MSN: variants seen among roughly 807,000 people sequenced by gnomAD.
MSN encodes epididymis luminal protein 70.
Under a neutral mutation model 48.0 loss-of-function variants are expected in MSN, and 2 were observed. The ratio of observed to expected loss-of-function variants is 0.04; its 90% CI spans 0.02 to 0.13. The LOEUF (loss-of-function observed/expected upper bound fraction) is 0.13. Ranked by LOEUF, MSN falls within the 10% of genes least tolerant of loss-of-function variation. The pLI is 1.00. For synonymous variants in MSN, 146 were observed against 166.9 expected, an observed-to-expected ratio of 0.87 and a Z score of 0.97; for missense variants, 267 against 470.1, an observed-to-expected ratio of 0.57 and a Z score of 3.99.
intron 1 of MSN, among the ~76,000 whole-genome samples, chrX:65,608,140 G>T (rs896377804): frequency 3.6e-5 from 4 of 111,454 alleles, no homozygotes; most frequent in African/African-American, 1.3e-4. Flanking sequence ...AGACAAACAA[G>T]GAAAGGGGGT....
In MSN at chrX:65,729,450, G is replaced by A. The variant is rs765836962; in HGVS notation, c.205G>A (p.Asp69Asn). Residue 69 changes from aspartate (D) to asparagine (N), a missense_variant, in exon 4 of 13, where the codon GAT becomes AAT. This residue lies in a region of MSN where 89 missense variants were observed against 151.0 expected (regional missense o/e 0.59). Coordinates refer to ENST00000360270, the MANE Select transcript of MSN (RefSeq NM_002444.3). ...TTACTCTTCCCAGGTGACTGCCCAG[G>A]ATGTGCGGAAGGAAAGCCCCCTGCT... Reference protein sequence around the residue: ...LKLNKKVTAQDVRKESPLLFK... With the variant: ...LKLNKKVTAQNVRKESPLLFK... 2.5e-6 allele frequency: 3 copies of A among 1,208,365 alleles called. No homozygotes were observed. In the African/African-American group the frequency reaches 5.3e-5, roughly 21 times the overall value.
intron 1 of MSN, among the ~76,000 whole-genome samples, chrX:65,644,834 G>C (rs1318636856): frequency 8.9e-6 from 1 of 112,018 alleles, no homozygotes; most frequent in African/African-American, 3.2e-5. Context: ...CAGGGTGATG[G>C]GACAAGAGAT....
At chrX:65,654,225 C>T (rs2070765141) in intron 1 of MSN, among the ~76,000 whole-genome samples, 1 of 108,220 alleles carries the variant, frequency 9.2e-6, no homozygotes, top group Non-Finnish European at 1.9e-5. Flanking sequence ...CCTGCCTCAG[C>T]CTCCTGAGTA....
chrX:65,653,344 T>C (rs1162503558), intron 1 of MSN, among the ~76,000 whole-genome samples: 1 of 111,052 alleles, frequency 9.0e-6, no homozygotes, highest in East Asian at 2.8e-4. Flanking sequence ...TTCATGTAAA[T>C]ACATGGCTAG....
chrX:65,704,587 C>T (rs1419330661), intron 1 of MSN, among the ~76,000 whole-genome samples: 1 of 111,036 alleles, frequency 9.0e-6, no homozygotes, highest in African/African-American at 3.3e-5. Flanking sequence ...TAGGCCTGCC[C>T]TCTGTTGAAA....
intron 1 of MSN, among the ~76,000 whole-genome samples, chrX:65,673,388 A>G (rs2070962054): frequency 9.0e-6 from 1 of 111,296 alleles, no homozygotes; most frequent in African/African-American, 3.3e-5. Flanking sequence ...AGGCCTTCCT[A>G]AGGGCTCCTA....
At chrX:65,642,134 C>CAAAAAAAAA (rs1220561125) in intron 1 of MSN, among the ~76,000 whole-genome samples, 2 of 59,716 alleles carry the variant, frequency 3.3e-5, no homozygotes, top group African/African-American at 6.7e-5. Context: ...AACTCCATCT[C>CAAAAAAAAA]AAAAAAAAAA....
chrX:65,668,707 G>C (rs1431639171), intron 1 of MSN, among the ~76,000 whole-genome samples: 5 of 111,657 alleles, frequency 4.5e-5, no homozygotes, highest in African/African-American at 1.6e-4. Flanking sequence ...TAGGGGGGCC[G>C]GATGCCCAGG....
At chrX:65,737,143 C>T (rs1438363092) in intron 9 of MSN, 35 bp from the exon 10 acceptor site, 4 of 1,185,267 alleles carry the variant, frequency 3.4e-6, no homozygotes, top group Non-Finnish European at 4.5e-6. Flanking sequence ...TATCTCTGTG[C>T]TCTTCACTGC....
chrX:65,713,013 T>C (rs758450167), intron 1 of MSN, among the ~76,000 whole-genome samples: 2 of 111,059 alleles, frequency 1.8e-5, no homozygotes, highest in Non-Finnish European at 3.8e-5. Flanking sequence ...GTGGAGATAA[T>C]ACTCTACTTC....
chrX:65,709,550 G>T (rs1276595267), intron 1 of MSN, among the ~76,000 whole-genome samples: 3 of 112,088 alleles, frequency 2.7e-5, no homozygotes, highest in African/African-American at 6.5e-5. Flanking sequence ...TACGAGGGAG[G>T]AAGCATGGCC....
At chrX:65,676,334 G>T (rs1421508944) in intron 1 of MSN, among the ~76,000 whole-genome samples, 1 of 112,211 alleles carries the variant, frequency 8.9e-6, no homozygotes, top group African/African-American at 3.2e-5. Context: ...GTGGCATAAG[G>T]TAAGTGTTGA....
chrX:65,642,134 C>CAAAAAA (rs1220561125), intron 1 of MSN, among the ~76,000 whole-genome samples: 4 of 59,675 alleles, frequency 6.7e-5, no homozygotes, highest in Non-Finnish European at 8.6e-5. Context: ...AACTCCATCT[C>CAAAAAA]AAAAAAAAAA....
intron 1 of MSN, among the ~76,000 whole-genome samples, chrX:65,620,082 C>T (rs1327567031): frequency 1.8e-5 from 2 of 112,133 alleles, no homozygotes; most frequent in East Asian, 5.6e-4. Flanking sequence ...TCTCCAGCTG[C>T]GTGCTGGGAG....
In MSN at chrX:65,590,813, A is replaced by G. The variant is rs145319204; in HGVS notation, c.-22+2201A>G. On this transcript the variant is annotated intron_variant, in intron 1 of 3. Transcript: ENST00000609672. The stretch of plus-strand genomic sequence containing the variant: ...GGAACATGGGATGGGGGGTGGGGGA[A>G]AACCAGCAGCAGCAGTAGCAGCAGA... 1.7e-3 allele frequency among the ~76,000 whole-genome samples: 193 copies of G among 111,010 alleles called. 3 individuals are homozygous for G. In the East Asian group the frequency reaches 0.039, roughly 22 times the overall value.
chrX:65,709,436 G>A (rs2071394365), intron 1 of MSN, among the ~76,000 whole-genome samples: 1 of 112,187 alleles, frequency 8.9e-6, no homozygotes, highest in Non-Finnish European at 1.9e-5. Context: ...AGCCATAGTG[G>A]AATGGCAGAA....
chrX:65,738,659 G>A (rs1218533201), intron 11 of MSN, 42 bp downstream of exon 11: 3 of 1,115,013 alleles, frequency 2.7e-6, no homozygotes, highest in Non-Finnish European at 3.7e-6. Context: ...AGGAATGGGT[G>A]CCATATGCAT....
chrX:65,652,585 G>A (rs781010117), intron 1 of MSN, among the ~76,000 whole-genome samples: 7 of 111,616 alleles, frequency 6.3e-5, no homozygotes, highest in Non-Finnish European at 1.3e-4. Flanking sequence ...GCAAGCCCCT[G>A]TAATTTTTTC....
chrX:65,711,990 C>T (rs2071419643), intron 1 of MSN, among the ~76,000 whole-genome samples: 1 of 111,491 alleles, frequency 9.0e-6, no homozygotes, highest in African/African-American at 3.3e-5. Flanking sequence ...CCACTGCCCC[C>T]TTTCTATTCT....
Sources: gnomAD v4.1 joint callset for allele counts (sites outside exome capture counted in the v4.1 genomes callset) on GRCh38, gnomAD v4.1.1 for gene constraint, gnomAD v4.1.1 regional missense constraint, MANE v1.5 for transcripts, NCBI Gene and HGNC (gene_info 2026-07-23, HGNC 2026-07-21) for gene names.